Variants in NPAS3 observed in about 807,000 individuals in gnomAD.
NPAS3 encodes the protein neuronal PAS domain protein 3.
Under a neutral mutation model 73.1 loss-of-function variants are expected in NPAS3, and 14 were observed. That is an observed-to-expected ratio of 0.19 (90% CI 0.13 to 0.30). The LOEUF is 0.30. Ranked by LOEUF, NPAS3 falls within the 10% of genes least tolerant of loss-of-function variation. The pLI, the probability that NPAS3 is intolerant of heterozygous loss-of-function variation, is 1.00. For synonymous variants in NPAS3, 620 were observed against 541.5 expected, an observed-to-expected ratio of 1.14 and a Z score of -2.01; for missense variants, 1,096 against 1,250.0, an observed-to-expected ratio of 0.88 and a Z score of 1.86.
intron 6 of NPAS3, among the ~76,000 whole-genome samples, chr14:33,699,893 A>C (rs964210724): frequency 5.3e-5 from 8 of 152,174 alleles, no homozygotes; most frequent in African/African-American, 1.9e-4. Flanking sequence ...AAAGAATTCC[A>C]AATAGCTTAA....
At chr14:33,571,463 T>G (rs76581209) in intron 5 of NPAS3, among the ~76,000 whole-genome samples, 1,754 of 151,986 alleles carry the variant, frequency 0.012, 37 homozygotes, top group African/African-American at 0.04. Flanking sequence ...CTAGTCAGAG[T>G]AGAAAAGAAA....
At chr14:33,536,584 C>T (rs745515381) in intron 4 of NPAS3, among the ~76,000 whole-genome samples, 13 of 152,052 alleles carry the variant, frequency 8.5e-5, no homozygotes, top group Non-Finnish European at 1.9e-4. Context: ...ATGGGAGATT[C>T]AAGGCTAAAC....
At chr14:33,249,079 G>A (rs1412306232) in intron 3 of NPAS3, among the ~76,000 whole-genome samples, 1 of 152,084 alleles carries the variant, frequency 6.6e-6, no homozygotes, top group African/African-American at 2.4e-5. Flanking sequence ...TCAAATTGCT[G>A]ACTGACATGT....
chr14:33,612,367 C>T (rs998674465), intron 5 of NPAS3: 2 of 454,870 alleles, frequency 4.4e-6, no homozygotes, highest in African/African-American at 2.0e-5. Flanking sequence ...TCTGCTTCCC[C>T]ACGCCCTGAA....
chr14:33,087,772 A>G (rs994685962), intron 2 of NPAS3, among the ~76,000 whole-genome samples: 12 of 152,190 alleles, frequency 7.9e-5, no homozygotes, highest in African/African-American at 2.9e-4. Context: ...TTGTGTTTAA[A>G]GTGTGTCATT....
chr14:33,681,141 A>G (rs2059925894), intron 6 of NPAS3: 2 of 152,762 alleles, frequency 1.3e-5, no homozygotes, highest in African/African-American at 4.8e-5. Flanking sequence ...AGTAAGCGGT[A>G]TAATTAGACT....
At chr14:33,693,930 G>A (rs1054521995) in intron 6 of NPAS3, among the ~76,000 whole-genome samples, 5 of 151,966 alleles carry the variant, frequency 3.3e-5, no homozygotes, top group African/African-American at 1.2e-4. Flanking sequence ...ATTTCCTTGC[G>A]GACCTGCGTA....
intron 3 of NPAS3, among the ~76,000 whole-genome samples, chr14:33,277,325 C>T (rs927416544): frequency 1.3e-5 from 2 of 152,114 alleles, no homozygotes; most frequent in East Asian, 3.9e-4. Flanking sequence ...AACTGGCTAC[C>T]ATATGCAGTT....
chr14:33,540,420 G>C (rs2054458713), intron 4 of NPAS3, among the ~76,000 whole-genome samples: 1 of 152,092 alleles, frequency 6.6e-6, no homozygotes, highest in Non-Finnish European at 1.5e-5. Context: ...GCCACCCCAA[G>C]GTGACTGTTA....
intron 9 of NPAS3, among the ~76,000 whole-genome samples, chr14:33,786,526 G>A (rs74044720): frequency 0.014 from 2,104 of 152,308 alleles, 48 homozygotes; most frequent in African/African-American, 0.046. Context: ...GCCCTAATCA[G>A]ATTAACTGCT....
intron 3 of NPAS3, among the ~76,000 whole-genome samples, chr14:33,349,050 A>G (rs2044890957): frequency 1.3e-5 from 2 of 152,150 alleles, no homozygotes; most frequent in South Asian, 2.1e-4. Flanking sequence ...AACGAGTACA[A>G]AAGCTCATGG....
chr14:33,090,607 A>T (rs2042191804), intron 2 of NPAS3, among the ~76,000 whole-genome samples: 1 of 152,166 alleles, frequency 6.6e-6, no homozygotes, highest in Non-Finnish European at 1.5e-5. Context: ...AAAGTTAACA[A>T]GGATATCCAG....
intron 3 of NPAS3, among the ~76,000 whole-genome samples, chr14:33,280,941 T>C (rs1053264599): frequency 6.6e-6 from 1 of 152,132 alleles, no homozygotes; most frequent in Non-Finnish European, 1.5e-5. Flanking sequence ...GAAAGTAAAA[T>C]ACCAAAACTT....
intron 5 of NPAS3, among the ~76,000 whole-genome samples, chr14:33,671,727 GGAGTAAAGTTAGACCAAGT>G (rs1417956772): frequency 6.6e-6 from 1 of 152,200 alleles, no homozygotes. Flanking sequence ...TCATTCAGCT[GGAGTAAAGTTAGACCAAGT>G]GGGTGAAGTT....
rs1212669453 is a variant in NPAS3 at position 33,113,280 on chromosome 14, T to C, written c.140+57286T>C. On this transcript the variant is annotated intron_variant, in intron 2 of 11. Transcript: ENST00000356141. ...GGGTAGTATGGCCATTTTCATGATA[T>C]TGATTCTTCCTACCCATGAGCATGG... Among the ~76,000 whole-genome samples, 3 of 152,312 alleles carry C rather than the reference T, an allele frequency of 2.0e-5. No homozygotes were observed. The East Asian group carries it at 5.8e-4, about 29-fold the overall frequency.
At chr14:33,408,820 G>T (rs761884187) in intron 4 of NPAS3, among the ~76,000 whole-genome samples, 1 of 152,094 alleles carries the variant, frequency 6.6e-6, no homozygotes, top group Non-Finnish European at 1.5e-5. Flanking sequence ...AGTTGCATAT[G>T]GCCAAATATG....
At chr14:33,604,515 T>C (rs892213754) in intron 5 of NPAS3, among the ~76,000 whole-genome samples, 18 of 152,112 alleles carry the variant, frequency 1.2e-4, no homozygotes, top group Admixed American at 3.3e-4. Context: ...AATTCACAAT[T>C]ATAGTTGGAT....
chr14:33,461,408 A>T (rs1162592350), intron 4 of NPAS3, among the ~76,000 whole-genome samples: 1 of 152,196 alleles, frequency 6.6e-6, no homozygotes, highest in Admixed American at 6.5e-5. Context: ...TTTTTAAAAA[A>T]TCTTTTCATT....
chr14:33,604,291 A>G (rs1200865447), intron 5 of NPAS3, among the ~76,000 whole-genome samples: 1 of 151,812 alleles, frequency 6.6e-6, no homozygotes, highest in Non-Finnish European at 1.5e-5. Flanking sequence ...ATTAATATGA[A>G]GACAAAATAG....
Sources: allele counts gnomAD v4.1 joint callset (sites outside exome capture counted in the v4.1 genomes callset), GRCh38; gene constraint gnomAD v4.1.1; transcripts MANE v1.5; gene names NCBI Gene and HGNC (gene_info 2026-07-23, HGNC 2026-07-21).